SUGP2: variants seen among roughly 807,000 people sequenced by gnomAD.
SUGP2 encodes the protein SURP and G-patch domain-containing protein 2.
SUGP2 carries 24 observed loss-of-function variants against 90.5 expected under a neutral mutation model. The ratio of observed to expected loss-of-function variants is 0.27; its 90% CI spans 0.19 to 0.37. The LOEUF is 0.37. Among genes scored for constraint, SUGP2 ranks in the 10% least tolerant of loss-of-function variants. The pLI is 1.00. For missense variants in SUGP2, 1,233 were observed against 1,363.3 expected (o/e 0.90, Z 1.51); for synonymous variants, 473 against 513.4 (o/e 0.92, Z 1.06).
At chr19:19,009,830 G>A in intron 5 of SUGP2, 25 bp downstream of exon 5, 3 of 1,573,688 alleles carry the variant, frequency 1.9e-6, no homozygotes, top group Non-Finnish European at 2.6e-6. Flanking sequence ...GGGCCCAGAG[G>A]AGGGGGACAG....
rs1462946479 is a variant in SUGP2 at position 19,009,975 on chromosome 19, C to A, written c.2218G>T (p.Asp740Tyr). The change falls in exon 5 of 11, where the codon GAC (aspartate) becomes TAC (tyrosine). Residue 740 changes from aspartate (D) to tyrosine (Y), a missense_variant. Coordinates refer to ENST00000452918, the MANE Select transcript of SUGP2 (RefSeq NM_001017392.5). ...RNDAAKDCPP[D>Y]PVGPSPQDPS... ...TCCTGAGGAGAAGGTCCAACTGGGT[C>A]TGGCGGGCAGTCCTTGGCAGCATCA... is the stretch of plus-strand genomic sequence containing the variant. 2 of 1,614,144 alleles carry A rather than the reference C, an allele frequency of 1.2e-6. No homozygotes were observed. Among genetic ancestry groups the A allele is most frequent in the East Asian group, 2.2e-5 (1 of 44,870 alleles).
At chr19:19,002,638 C>T (rs2057889895) in intron 7 of SUGP2, among the ~76,000 whole-genome samples, 1 of 151,110 alleles carries the variant, frequency 6.6e-6, no homozygotes, top group Non-Finnish European at 1.5e-5. Flanking sequence ...CTCAGCCTCC[C>T]GAGTAGCTGG....
At chr19:19,033,538 T>C (rs755018204), upstream of SUGP2, 21 of 1,331,680 alleles carry the variant, frequency 1.6e-5, no homozygotes, top group South Asian at 1.7e-5. Flanking sequence ...ACCAACGGTC[T>C]CCGCAGCGCC....
At chr19:19,033,605 G>A, upstream of SUGP2, 2 of 1,179,440 alleles carry the variant, frequency 1.7e-6, no homozygotes, top group Non-Finnish European at 1.0e-6. Flanking sequence ...GGGCCGCCGC[G>A]GCCCGGCTCT....
At chr19:19,010,777 G>A (rs113189113) in intron 4 of SUGP2, among the ~76,000 whole-genome samples, 4,218 of 152,298 alleles carry the variant, frequency 0.028, 89 homozygotes, top group South Asian at 0.07. Context: ...TGCGGCCCAG[G>A]TGTGAAATCT....
At chr19:19,012,286 G>A (rs1030481940) in intron 4 of SUGP2, among the ~76,000 whole-genome samples, 1 of 152,176 alleles carries the variant, frequency 6.6e-6, no homozygotes, top group African/African-American at 2.4e-5. Flanking sequence ...GGGCACTCTG[G>A]TTCTCAAGTC....
Position 18,994,480 on chromosome 19 carries a change from G to T in SUGP2, c.3135C>A (p.Thr1045=), listed in dbSNP as rs1463953410. ...KGIREPVSVG[T]PSEGEGLGAD... ...CACCCAACCCTTCCCCTTCCGAGGG[G>T]GTTCCCCTAGGGAGTGAAAAAGAGA... The change falls in exon 10 of 11, where the codon ACC becomes ACA. Residue 1045 remains threonine (T), a synonymous_variant. Transcript: ENST00000452918. 2.5e-6 allele frequency: 4 copies of T among 1,613,918 alleles called. No homozygotes were observed. The South Asian group carries it at 4.4e-5, about 18-fold the overall frequency.
chr19:19,013,986 T>C (rs2058399763), intron 4 of SUGP2, among the ~76,000 whole-genome samples: 1 of 152,238 alleles, frequency 6.6e-6, no homozygotes, highest in South Asian at 2.1e-4. Context: ...CTGTCTATAC[T>C]TCTGATTGAT....
intron 5 of SUGP2, 52 bp downstream of exon 5, chr19:19,009,803 T>C: frequency 2.0e-6 from 3 of 1,536,186 alleles, no homozygotes; most frequent in Non-Finnish European, 2.6e-6. Flanking sequence ...ACCCTGGAGA[T>C]GGGAGAGTAG....
chr19:18,996,096 G>A (rs1208401893), intron 8 of SUGP2, among the ~76,000 whole-genome samples: 1 of 152,168 alleles, frequency 6.6e-6, no homozygotes, highest in Non-Finnish European at 1.5e-5. Flanking sequence ...GGCTCTTCAC[G>A]AGTCAACTTG....
Position 19,026,003 on chromosome 19 carries a change from G to A in SUGP2, c.345C>T (p.His115=). 5 of 1,614,152 alleles carry A rather than the reference G, an allele frequency of 3.1e-6. No homozygotes were observed. The highest frequency in any genetic ancestry group is 4.2e-6 in the Non-Finnish European group (5 of 1,180,038). The part of the protein sequence containing the change: ...KECGRDLEFS[H]SDSRDQVIGH... Reference sequence around the variant, plus strand: ...CAATGACCTGGTCCCGAGAATCAGAGTGAGAAAATTCCAGATCCCGGCCAC... The same window carrying A: ...CAATGACCTGGTCCCGAGAATCAGAATGAGAAAATTCCAGATCCCGGCCAC... The change falls in exon 3 of 11, where the codon CAC becomes CAT. Residue 115 remains histidine (H), a synonymous_variant. Transcript: ENST00000452918.
At chr19:18,999,053 C>T (rs1028647840) in intron 8 of SUGP2, 2 of 152,264 alleles carry the variant, frequency 1.3e-5, no homozygotes, top group African/African-American at 2.4e-5. Context: ...CCCCAGAGGG[C>T]AGGTCTGTAC....
intron 4 of SUGP2, among the ~76,000 whole-genome samples, chr19:19,016,489 C>T (rs1002354193): frequency 6.6e-6 from 1 of 152,162 alleles, no homozygotes; most frequent in Non-Finnish European, 1.5e-5. Context: ...AGCCTAATCA[C>T]CTTATCAACC....
At chr19:18,994,125 C>T (rs915942160) in intron 10 of SUGP2, 1 of 422,914 alleles carries the variant, frequency 2.4e-6, no homozygotes, top group Non-Finnish European at 4.1e-6. Context: ...GGGCACCAGG[C>T]AGGCCATGCG....
intron 2 of SUGP2, among the ~76,000 whole-genome samples, chr19:19,026,545 C>A (rs1444866541): frequency 6.6e-6 from 1 of 152,168 alleles, no homozygotes; most frequent in Non-Finnish European, 1.5e-5. Context: ...CACCAACAGC[C>A]CTCGCTCATT....
intron 3 of SUGP2, among the ~76,000 whole-genome samples, chr19:19,022,376 G>GCAGATGCTGCA (rs1320626417): frequency 1.3e-5 from 2 of 152,190 alleles, no homozygotes; most frequent in African/African-American, 4.8e-5. Flanking sequence ...TCCAGACAGG[G>GCAGATGCTGCA]AACTGAGGCT....
intron 1 of SUGP2, 111 bp downstream of exon 1, chr19:19,033,326 G>C (rs1018805125): frequency 1.8e-5 from 20 of 1,089,812 alleles, no homozygotes; most frequent in Non-Finnish European, 2.2e-5. Context: ...GCCGCAGCCA[G>C]AGGGCCGAGC....
At position 19,024,761 on chromosome 19, in the gene SUGP2, G is replaced by A; in HGVS notation, c.1587C>T (p.Asp529=). The change falls in exon 3 of 11, where the codon GAC becomes GAT. Residue 529 remains aspartate, a synonymous_variant. Coordinates refer to ENST00000452918, the MANE Select transcript of SUGP2 (RefSeq NM_001017392.5). Reference sequence around the variant, plus strand: ...TGCTGACTAGCCAGGCCTTCAGGTGGTCTATGTACTCTCGCCCAAACAAAG... The same window carrying A: ...TGCTGACTAGCCAGGCCTTCAGGTGATCTATGTACTCTCGCCCAAACAAAG... The part of the protein sequence containing the change: ...DSTLFGREYI[D]HLKAWLVSSG... The A allele has an allele frequency of 1.9e-6, 3 of 1,614,176 alleles. No homozygotes were observed. Among genetic ancestry groups the A allele is most frequent in the Non-Finnish European group, 2.5e-6 (3 of 1,180,040 alleles).
intron 8 of SUGP2, among the ~76,000 whole-genome samples, chr19:18,995,757 T>TC (rs2057551877): frequency 6.6e-6 from 1 of 152,080 alleles, no homozygotes. Context: ...AACATACCCC[T>TC]CCCCGAGTGC....
Sources: gnomAD v4.1 joint callset for allele counts (sites outside exome capture counted in the v4.1 genomes callset) on GRCh38, gnomAD v4.1.1 for gene constraint, MANE v1.5 for transcripts, NCBI Gene and HGNC (gene_info 2026-07-23, HGNC 2026-07-21) for gene names.